COQ8B: variants seen among roughly 807,000 people sequenced by gnomAD.
COQ8B encodes coenzyme Q8B.
In COQ8B, 44 loss-of-function variants were observed where a neutral mutation model predicts 62.0. That is an observed-to-expected ratio of 0.71 (90% CI 0.56 to 0.91). The LOEUF is 0.91. COQ8B is among the 40% of genes least tolerant of loss of function. The probability of loss-of-function intolerance (pLI) is 0.00; values close to 1 mark genes in which losing one functional copy is unlikely to be tolerated. For synonymous variants in COQ8B, 252 were observed against 289.9 expected, an observed-to-expected ratio of 0.87 and a Z score of 1.33; for missense variants, 649 against 731.6, an observed-to-expected ratio of 0.89 and a Z score of 1.30.
At chr19:40,710,180 GC>G in intron 4 of COQ8B, 44 bp from the exon 5 acceptor site, 1 of 1,568,256 alleles carries the variant, frequency 6.4e-7, no homozygotes, top group Non-Finnish European at 8.8e-7. Flanking sequence ...TGCCTGGGGT[GC>G]CCCCAGCCTA....
chr19:40,693,176 C>T, intron 13 of COQ8B, 139 bp from the exon 14 acceptor site: 1 of 669,168 alleles, frequency 1.5e-6, no homozygotes, highest in South Asian at 2.0e-5. Context: ...TGGAAGCTTC[C>T]TGCTCCCAAC....
rs1266074867 is a variant in COQ8B at position 40,692,334 on chromosome 19, C to G, written c.1336G>C (p.Gly446Arg). 2 of 1,613,668 alleles carry G rather than the reference C, an allele frequency of 1.2e-6. No homozygotes were observed. Among genetic ancestry groups the G allele is most frequent in the Admixed American group, 3.3e-5 (2 of 59,988 alleles). Residue 446 changes from glycine (G) to arginine (R), a missense_variant, in exon 15 of 15, where the codon GGG becomes CGG. Physicochemically the swap from Gly to Arg is moderately radical, Grantham distance 125 (BLOSUM62 -2). Coordinates refer to ENST00000324464, the MANE Select transcript of COQ8B (RefSeq NM_024876.4). ...DAHVEAVMIL[G>R]EPFATQGPYD... is the part of the protein sequence containing the mutation. ...GGGCCCTGGGTGGCGAAAGGCTCCC[C>G]CAGGATCATCACTGCCTCCACGTGG...
intron 5 of COQ8B, chr19:40,708,104 C>T (rs148990221): frequency 3.9e-5 from 6 of 152,016 alleles, no homozygotes; most frequent in African/African-American, 1.4e-4. Flanking sequence ...GCACAGAGGC[C>T]GTGCTAATTT....
At chr19:40,703,181 AAC>A (rs1599630868) in intron 9 of COQ8B, among the ~76,000 whole-genome samples, 1 of 151,702 alleles carries the variant, frequency 6.6e-6, no homozygotes, top group Non-Finnish European at 1.5e-5. Context: ...CTCTTACACA[AAC>A]ACAACCCACC....
Position 40,691,905 on chromosome 19 carries a change from C to A in COQ8B, c.*130G>T. The stretch of plus-strand genomic sequence containing the variant: ...CCCCAGGGATCCTGAGCTCCTGGGC[C>A]AAGGAGGAGAGCCAGGCAAGACTGG... On this transcript the variant is annotated 3_prime_UTR_variant, in exon 15 of 15. Coordinates refer to ENST00000324464, the MANE Select transcript of COQ8B (RefSeq NM_024876.4). 1.1e-6 allele frequency: 1 copy of A among 885,134 alleles called. No homozygotes were observed. Among genetic ancestry groups the A allele is most frequent in the East Asian group, 3.1e-5 (1 of 31,934 alleles). 54.8% of individuals were successfully genotyped at this position (885,134 alleles called of 1,614,324 possible).
At chr19:40,697,845 T>TAGAGAGAGAG (rs1370534076) in intron 12 of COQ8B, among the ~76,000 whole-genome samples, 4 of 52,506 alleles carry the variant, frequency 7.6e-5, no homozygotes, top group East Asian at 4.6e-4. Context: ...TATATATATA[T>TAGAGAGAGAG]ATATATAGAG....
intron 9 of COQ8B, 127 bp from the exon 10 acceptor site, chr19:40,702,820 C>G: frequency 1.3e-6 from 1 of 795,786 alleles, no homozygotes; most frequent in Non-Finnish European, 2.1e-6. Context: ...GCCTGTGACC[C>G]ACATCTGTCC....
chr19:40,698,342 G>C (rs2082035538), intron 12 of COQ8B, among the ~76,000 whole-genome samples: 1 of 150,516 alleles, frequency 6.6e-6, no homozygotes, highest in Non-Finnish European at 1.5e-5. Context: ...TTCAAGACTA[G>C]CCTGGCCAAA....
At chr19:40,697,845 TATATATAGAGAG>T (rs2082027287) in intron 12 of COQ8B, among the ~76,000 whole-genome samples, 1 of 52,506 alleles carries the variant, frequency 1.9e-5, no homozygotes, top group Non-Finnish European at 3.7e-5. Flanking sequence ...TATATATATA[TATATATAGAGAG>T]AGAGAGAGAG....
intron 10 of COQ8B, chr19:40,700,762 T>TA (rs1415057749): frequency 2.8e-6 from 1 of 351,158 alleles, no homozygotes; most frequent in African/African-American, 2.0e-5. Context: ...AGTTCAGGTG[T>TA]ATTTCAGCCT....
intron 12 of COQ8B, 96 bp from the exon 13 acceptor site, chr19:40,696,150 T>C: frequency 1.5e-6 from 2 of 1,340,480 alleles, no homozygotes; most frequent in Non-Finnish European, 2.1e-6. Context: ...CCCATGACCC[T>C]GCCTGCTCCT....
At chr19:40,697,851 T>TAGAGAGAGAGAGAG (rs1290386996) in intron 12 of COQ8B, among the ~76,000 whole-genome samples, 11 of 54,730 alleles carry the variant, frequency 2.0e-4, no homozygotes, top group African/African-American at 7.8e-4. Context: ...TATATATATA[T>TAGAGAGAGAGAGAG]AGAGAGAGAG....
At chr19:40,714,439 T>G in intron 2 of COQ8B, 42 bp from the exon 3 acceptor site, 1 of 1,612,654 alleles carries the variant, frequency 6.2e-7, no homozygotes, top group Non-Finnish European at 8.5e-7. Context: ...GGACATGGGA[T>G]CACCTGGCCC....
At chr19:40,692,902 GCACCC>G (rs758821147) in intron 14 of COQ8B, 44 bp downstream of exon 14, 3 of 1,556,770 alleles carry the variant, frequency 1.9e-6, no homozygotes, top group Non-Finnish European at 1.8e-6. Flanking sequence ...GCCCCCCACT[GCACCC>G]CACCAACAGA....
chr19:40,701,689 G>C (rs1041573079), intron 10 of COQ8B, among the ~76,000 whole-genome samples: 7 of 152,202 alleles, frequency 4.6e-5, no homozygotes, highest in Admixed American at 1.3e-4. Context: ...GGAGGCCACT[G>C]TACAGATTGT....
chr19:40,700,658 C>A, intron 10 of COQ8B: 2 of 600,790 alleles, frequency 3.3e-6, no homozygotes, highest in Non-Finnish European at 5.7e-6. Context: ...GGTGCCTACT[C>A]TGCACCTGCC....
In COQ8B at chr19:40,695,998, A is replaced by AT. The variant is rs398122982; in HGVS notation, c.1199dup (p.His400GlnfsTer11). 6.2e-7 allele frequency: 1 copy of AT among 1,614,116 alleles called. No homozygotes were observed. Reference sequence around the variant, plus strand: ...TCTGGGGGAGACTCACCTCGATGTAATGGTCTGTGAACTCTGTCCCAAACT... The same window carrying AT: ...TCTGGGGGAGACTCACCTCGATGTAATTGGTCTGTGAACTCTGTCCCAAACT... On this transcript the variant is annotated frameshift_variant, in exon 13 of 15. Transcript: ENST00000324464. LOFTEE classifies it high-confidence loss of function.
At chr19:40,703,281 A>G in intron 9 of COQ8B, 1 of 470,750 alleles carries the variant, frequency 2.1e-6, no homozygotes, top group African/African-American at 2.0e-5. Context: ...CCCTGCATGC[A>G]CACCCTCTGA....
intron 4 of COQ8B, 132 bp from the exon 5 acceptor site, chr19:40,710,268 G>A (rs1189963842): frequency 3.9e-6 from 3 of 778,832 alleles, no homozygotes; most frequent in Admixed American, 2.6e-5. Context: ...TGTTTGAGAT[G>A]GAGTCTCGCT....
Sources: gnomAD v4.1 joint callset for allele counts (sites outside exome capture counted in the v4.1 genomes callset) on GRCh38, gnomAD v4.1.1 for gene constraint, MANE v1.5 for transcripts, NCBI Gene and HGNC (gene_info 2026-07-23, HGNC 2026-07-21) for gene names.